LAMA2: variants seen among roughly 807,000 people sequenced by gnomAD.
LAMA2 encodes laminin subunit alpha 2.
A neutral mutation model predicts 364.8 loss-of-function variants in LAMA2; 269 were observed. The ratio of observed to expected loss-of-function variants is 0.74; its 90% CI spans 0.67 to 0.82. The LOEUF is 0.82. LAMA2 is among the 40% of genes least tolerant of loss of function. The pLI is 0.00. For synonymous variants in LAMA2, 1,379 were observed against 1,370.6 expected (o/e 1.01, Z -0.14); for missense variants, 3,807 against 3,873.2 (o/e 0.98, Z 0.45).
intron 41 of LAMA2, among the ~76,000 whole-genome samples, chr6:129,431,702 T>A (rs1194217379): frequency 1.3e-5 from 2 of 152,148 alleles, no homozygotes; most frequent in East Asian, 1.9e-4. Context: ...AAATAATGAA[T>A]CAGTGCATTG....
At chr6:129,088,760 G>T (rs962149150) in intron 3 of LAMA2, among the ~76,000 whole-genome samples, 1 of 152,146 alleles carries the variant, frequency 6.6e-6, no homozygotes. Flanking sequence ...AGACGCAGCG[G>T]CCGGGCAGAG....
At chr6:129,058,056 C>T (rs559439267) in intron 2 of LAMA2, among the ~76,000 whole-genome samples, 2 of 152,112 alleles carry the variant, frequency 1.3e-5, no homozygotes, top group Non-Finnish European at 2.9e-5. Context: ...GCAAATGTGC[C>T]GACTTTCTAG....
chr6:128,907,727 A>G (rs1282082707), intron 1 of LAMA2, among the ~76,000 whole-genome samples: 1 of 152,152 alleles, frequency 6.6e-6, no homozygotes, highest in Non-Finnish European at 1.5e-5. Context: ...TTCAAAGGGA[A>G]TGCTTCCAGT....
At chr6:129,093,102 C>T (rs1774941883) in intron 3 of LAMA2, among the ~76,000 whole-genome samples, 1 of 151,932 alleles carries the variant, frequency 6.6e-6, no homozygotes, top group Admixed American at 6.6e-5. Context: ...CCTGCCTCAG[C>T]TTCCGGAGTA....
intron 3 of LAMA2, among the ~76,000 whole-genome samples, chr6:129,094,596 T>C (rs1272496194): frequency 6.6e-6 from 1 of 152,226 alleles, no homozygotes; most frequent in East Asian, 1.9e-4. Flanking sequence ...AGCAAAGTTC[T>C]TTATCCATAA....
chr6:128,895,004 A>T (rs1776674339), intron 1 of LAMA2, among the ~76,000 whole-genome samples: 1 of 152,122 alleles, frequency 6.6e-6, no homozygotes, highest in Non-Finnish European at 1.5e-5. Context: ...ACTACAGTTA[A>T]GTTCCTCACT....
chr6:128,920,869 G>A (rs1303059752), intron 1 of LAMA2, among the ~76,000 whole-genome samples: 1 of 152,064 alleles, frequency 6.6e-6, no homozygotes, highest in African/African-American at 2.4e-5. Flanking sequence ...TATAGCAAGG[G>A]AGAAGAAAAG....
chr6:128,966,140 T>C (rs773422890), intron 1 of LAMA2, among the ~76,000 whole-genome samples: 21 of 151,916 alleles, frequency 1.4e-4, no homozygotes, highest in Non-Finnish European at 3.1e-4. Context: ...AGATCAAAAC[T>C]AAATTTTTTT....
At chr6:129,352,490 G>A (rs1378383584) in intron 31 of LAMA2, among the ~76,000 whole-genome samples, 3 of 152,160 alleles carry the variant, frequency 2.0e-5, no homozygotes, top group South Asian at 4.1e-4. Flanking sequence ...ATGAATAAAA[G>A]TAAACAGAAA....
At chr6:129,486,684 GTATC>G in intron 56 of LAMA2, 62 bp downstream of exon 56, 1 of 1,404,816 alleles carries the variant, frequency 7.1e-7, no homozygotes, top group Non-Finnish European at 1.0e-6. Context: ...GCTAGCATCG[GTATC>G]TATCAGTATC....
intron 17 of LAMA2, among the ~76,000 whole-genome samples, chr6:129,275,724 TAAA>T (rs5879937): frequency 4.8e-5 from 7 of 144,500 alleles, no homozygotes; most frequent in Non-Finnish European, 4.5e-5. Flanking sequence ...TAAAAATTTG[TAAA>T]AAAAAAAAAA....
In LAMA2 at chr6:129,514,457, T is replaced by C. The variant is rs1786865302; in HGVS notation, c.9073T>C (p.Trp3025Arg). 1 of 1,614,038 alleles carries C rather than the reference T, an allele frequency of 6.2e-7. No homozygotes were observed. Among genetic ancestry groups the C allele is most frequent in the South Asian group, 1.1e-5 (1 of 91,078 alleles). ...GVPGHLCDGQWHKVTANKIKH... is the reference protein window; with the variant it reads ...GVPGHLCDGQRHKVTANKIKH... ...TCCAGGGCATTTGTGTGATGGACAA[T>C]GGCATAAAGTCACTGCCAACAAGAT... The change falls in exon 64 of 65, where the codon TGG becomes CGG. Residue 3025 changes from tryptophan to arginine, a missense_variant. Physicochemically the swap from Trp to Arg is moderately radical, Grantham distance 101. Transcript: ENST00000421865.
chr6:129,383,142 T>A lies in LAMA2; in HGVS notation c.4980T>A (p.Asp1660Glu). ...LLTRATKVTA[D>E]GEQTGQDAER... ...ATTAGGCTACCAAAGTGACAGCAGATGGCGAGCAGACCGGACAGGATGCTG... is the reference window on the plus strand; with the variant it reads ...ATTAGGCTACCAAAGTGACAGCAGAAGGCGAGCAGACCGGACAGGATGCTG... The change falls in exon 35 of 65, where the codon GAT (aspartate) becomes GAA (glutamate). Residue 1660 changes from aspartate to glutamate, a missense_variant. Asp to Glu is a conservative substitution (Grantham distance 45, BLOSUM62 2). Coordinates refer to ENST00000421865, the MANE Select transcript of LAMA2 (RefSeq NM_000426.4). The A allele has an allele frequency of 6.2e-7, 1 of 1,613,828 alleles. No individual in the cohort carries two copies. The highest frequency in any genetic ancestry group is 8.5e-7 in the Non-Finnish European group (1 of 1,179,882).
At chr6:128,970,023 AAATT>A (rs1207472818) in intron 1 of LAMA2, among the ~76,000 whole-genome samples, 4 of 152,216 alleles carry the variant, frequency 2.6e-5, no homozygotes, top group African/African-American at 4.8e-5. Context: ...AGAATTAAAT[AAATT>A]GAGTGAAATG....
intron 8 of LAMA2, among the ~76,000 whole-genome samples, chr6:129,165,079 C>A (rs1779663195): frequency 6.6e-6 from 1 of 152,024 alleles, no homozygotes; most frequent in South Asian, 2.1e-4. Flanking sequence ...CTAATTTTAA[C>A]ACTCTGATTT....
At chr6:128,991,984 T>G (rs1783637723) in intron 1 of LAMA2, among the ~76,000 whole-genome samples, 1 of 152,244 alleles carries the variant, frequency 6.6e-6, no homozygotes, top group Admixed American at 6.5e-5. Context: ...TGCAAAGTAT[T>G]TTCACTTACC....
At chr6:129,430,130 G>A (rs1012809710) in intron 41 of LAMA2, among the ~76,000 whole-genome samples, 5 of 152,100 alleles carry the variant, frequency 3.3e-5, no homozygotes, top group East Asian at 1.9e-4. Context: ...GGCCAATTAC[G>A]GAGGTTATAA....
chr6:129,076,937 A>C (rs147705836), intron 3 of LAMA2, among the ~76,000 whole-genome samples: 89 of 152,256 alleles, frequency 5.8e-4, no homozygotes, highest in Middle Eastern at 3.4e-3. Flanking sequence ...AGATCAGTTT[A>C]AAACACTAAT....
intron 17 of LAMA2, among the ~76,000 whole-genome samples, chr6:129,276,347 C>G (rs1052936197): frequency 6.6e-6 from 1 of 152,082 alleles, no homozygotes; most frequent in Non-Finnish European, 1.5e-5. Flanking sequence ...TAATTTTATA[C>G]CCATGATTAA....
Sources: allele counts gnomAD v4.1 joint callset (sites outside exome capture counted in the v4.1 genomes callset), GRCh38; gene constraint gnomAD v4.1.1; transcripts MANE v1.5; gene names NCBI Gene and HGNC (gene_info 2026-07-23, HGNC 2026-07-21).